ZNF69: variants seen among roughly 807,000 people sequenced by gnomAD.
ZNF69 encodes ZNF3.
ZNF69 carries 47 observed loss-of-function variants against 50.9 expected under a neutral mutation model. The observed-to-expected ratio is 0.92, with a 90% CI of 0.73 to 1.18. The LOEUF (loss-of-function observed/expected upper bound fraction) is 1.18. Among genes scored for constraint, ZNF69 ranks in the 50% most tolerant of loss-of-function variants. The probability of loss-of-function intolerance (pLI) is 0.00; values close to 1 mark genes in which losing one functional copy is unlikely to be tolerated. For synonymous variants in ZNF69, 216 were observed against 223.1 expected (o/e 0.97, Z 0.29); for missense variants, 717 against 675.1 (o/e 1.06, Z -0.69).
the ZNF69 span, among the ~76,000 whole-genome samples, chr19:11,920,614 G>A: frequency 1.4e-4 from 21 of 144,882 alleles, no homozygotes; most frequent in Non-Finnish European, 2.9e-4. Flanking sequence ...GAGGCTGGGC[G>A]CGGTGGTTCA....
At chr19:11,946,250 C>T in the ZNF69 span, among the ~76,000 whole-genome samples, 1 of 151,996 alleles carries the variant, frequency 6.6e-6, no homozygotes, top group African/African-American at 2.4e-5. Flanking sequence ...GGGTTTCTCC[C>T]GCAGCTTCAC....
chr19:11,940,919 C>T, the ZNF69 span, among the ~76,000 whole-genome samples: 1 of 151,656 alleles, frequency 6.6e-6, no homozygotes, highest in African/African-American at 2.4e-5. Context: ...TCGATTGGTG[C>T]ATTCACAAAC....
chr19:11,907,166 A>T (rs953042367), downstream of ZNF69, among the ~76,000 whole-genome samples: 4 of 152,210 alleles, frequency 2.6e-5, no homozygotes, highest in African/African-American at 9.6e-5. Context: ...TCCAAGAAAT[A>T]TGGGACTATG....
the ZNF69 span, among the ~76,000 whole-genome samples, chr19:11,935,803 A>C: frequency 6.6e-6 from 1 of 152,062 alleles, no homozygotes; most frequent in Non-Finnish European, 1.5e-5. Context: ...GGTTTGTTGC[A>C]CCCATCAACT....
the ZNF69 span, among the ~76,000 whole-genome samples, chr19:11,934,479 A>ATT: frequency 1.4e-5 from 2 of 147,768 alleles, no homozygotes; most frequent in Middle Eastern, 3.2e-3. Flanking sequence ...TGCACCAGGT[A>ATT]TTTGCTGCTG....
At chr19:11,979,100 G>C in the ZNF69 span, 5 of 1,613,700 alleles carry the variant, frequency 3.1e-6, no homozygotes, top group African/African-American at 6.7e-5. Context: ...TCTGGAGAAA[G>C]ACCTTATAAA....
chr19:11,979,075 C>T, the ZNF69 span: 4 of 1,614,160 alleles, frequency 2.5e-6, no homozygotes, highest in South Asian at 1.1e-5. Context: ...TTTTCAAACA[C>T]ACCTAAGAAT....
the ZNF69 span, among the ~76,000 whole-genome samples, chr19:11,937,490 CT>C: frequency 0.09 from 11,650 of 128,824 alleles, 862 homozygotes; most frequent in African/African-American, 0.18. Context: ...TTTTTCTTTC[CT>C]TTTTTTTTTT....
chr19:11,969,944 A>G, the ZNF69 span, among the ~76,000 whole-genome samples: 1 of 152,130 alleles, frequency 6.6e-6, no homozygotes, highest in Non-Finnish European at 1.5e-5. Context: ...GGGTTTTAGA[A>G]TTGCCTGGGG....
the ZNF69 span, chr19:11,925,086 G>A: frequency 1.8e-6 from 2 of 1,105,188 alleles, no homozygotes; most frequent in African/African-American, 1.6e-5. Flanking sequence ...CAGTTCATCC[G>A]GAAATGGAGG....
Position 11,903,615 on chromosome 19 carries a change from G to C in ZNF69, c.106G>C (p.Glu36Gln). ...TGATGTTGCTGTGAACTTCACCCAG[G>C]AGGAGTGGGCTTTGCTGGATATTTC... ...FDDVAVNFTQ[E>Q]EWALLDISQR... The change falls in exon 2 of 4, where the codon GAG becomes CAG. Residue 36 changes from glutamate to glutamine, a missense_variant. Coordinates refer to ENST00000429654, the MANE Select transcript of ZNF69 (RefSeq NM_001364730.1). 3 of 1,614,130 alleles carry C rather than the reference G, an allele frequency of 1.9e-6. No homozygotes were observed. The highest frequency in any genetic ancestry group is 2.5e-6 in the Non-Finnish European group (3 of 1,179,996).
chr19:11,929,429 G>A, the ZNF69 span, among the ~76,000 whole-genome samples: 1 of 148,412 alleles, frequency 6.7e-6, no homozygotes, highest in Non-Finnish European at 1.5e-5. Flanking sequence ...TCCCAGAATG[G>A]TGGGATTACG....
At chr19:11,893,661 G>C (rs1211947428) in intron 1 of ZNF69, among the ~76,000 whole-genome samples, 2 of 152,068 alleles carry the variant, frequency 1.3e-5, no homozygotes, top group African/African-American at 2.4e-5. Flanking sequence ...GAACTGCCCG[G>C]GGCTGACTCA....
chr19:11,974,118 TTTCTTTCTTTTCTTTC>T, the ZNF69 span, among the ~76,000 whole-genome samples: 1,261 of 69,110 alleles, frequency 0.018, 20 homozygotes, highest in African/African-American at 0.049. Context: ...TCTTTCTTTC[TTTCTTTCTTTTCTTTC>T]TTTCTTTCTT....
chr19:11,959,302 T>C, the ZNF69 span, among the ~76,000 whole-genome samples: 1 of 152,318 alleles, frequency 6.6e-6, no homozygotes, highest in South Asian at 2.1e-4. Context: ...ATAAGCTGTT[T>C]TATGCCAAGT....
At chr19:11,889,565 A>C (rs1977031434) in intron 1 of ZNF69, among the ~76,000 whole-genome samples, 1 of 152,208 alleles carries the variant, frequency 6.6e-6, no homozygotes, top group Non-Finnish European at 1.5e-5. Flanking sequence ...TTCCGGATTC[A>C]AGCAATTCTC....
chr19:11,968,540 A>G, the ZNF69 span, among the ~76,000 whole-genome samples: 7 of 152,208 alleles, frequency 4.6e-5, no homozygotes, highest in Non-Finnish European at 8.8e-5. Context: ...ATGCATGTGG[A>G]TAACAACTTA....
the ZNF69 span, chr19:11,947,460 T>A: frequency 6.2e-7 from 1 of 1,603,162 alleles, no homozygotes; most frequent in Non-Finnish European, 8.5e-7. Flanking sequence ...AATCTAATAA[T>A]TTTTTCACAA....
In ZNF69 at chr19:11,905,769, A is replaced by C; in HGVS notation, c.1372A>C (p.Asn458His). ...ECGKAFRSMK[N>H]LQSHERTQTH... is the part of the protein sequence containing the mutation. ...TGGGAAAGCCTTCAGATCTATGAAG[A>C]ACCTTCAAAGTCATGAAAGGACACA... Residue 458 changes from asparagine to histidine, a missense_variant, in exon 4 of 4, where the codon AAC becomes CAC. Physicochemically the swap from Asn to His is moderately conservative, Grantham distance 68. Coordinates refer to ENST00000429654, the MANE Select transcript of ZNF69 (RefSeq NM_001364730.1). The C allele has an allele frequency of 6.2e-7, 1 of 1,611,976 alleles. No individual in the cohort carries two copies. The highest frequency in any genetic ancestry group is 8.5e-7 in the Non-Finnish European group (1 of 1,179,636).
Sources: allele counts gnomAD v4.1 joint callset (sites outside exome capture counted in the v4.1 genomes callset), GRCh38; gene constraint gnomAD v4.1.1; transcripts MANE v1.5; gene names NCBI Gene and HGNC (gene_info 2026-07-23, HGNC 2026-07-21).